TYW1B: variants seen among roughly 807,000 people sequenced by gnomAD.
TYW1B encodes the protein S-adenosyl-L-methionine-dependent tRNA 4-demethylwyosine synthase TYW1B.
A neutral mutation model predicts 86.9 loss-of-function variants in TYW1B; 73 were observed. The observed-to-expected ratio is 0.84, with a 90% CI of 0.70 to 1.02. The LOEUF is 1.02. TYW1B is among the 50% of genes least tolerant of loss of function. The pLI is 0.00. For synonymous variants in TYW1B, 248 were observed against 292.8 expected, an observed-to-expected ratio of 0.85 and a Z score of 1.56; for missense variants, 637 against 827.4, an observed-to-expected ratio of 0.77 and a Z score of 2.82.
At chr7:72,669,973 A>AC (rs1813556986) in intron 11 of TYW1B, among the ~76,000 whole-genome samples, 3 of 122,154 alleles carry the variant, frequency 2.5e-5, no homozygotes, top group African/African-American at 8.0e-5. Context: ...ATAAATAAAT[A>AC]AATAAAGATT....
chr7:72,625,020 G>T (rs1339375718), intron 12 of TYW1B, among the ~76,000 whole-genome samples: 8 of 150,216 alleles, frequency 5.3e-5, no homozygotes, highest in Non-Finnish European at 1.0e-4. Flanking sequence ...GATTGTGCCA[G>T]TGCGCTCCAG....
intron 11 of TYW1B, among the ~76,000 whole-genome samples, chr7:72,637,031 C>G (rs1812684532): frequency 6.6e-6 from 1 of 152,042 alleles, no homozygotes; most frequent in Non-Finnish European, 1.5e-5. Flanking sequence ...ACAAAATTAG[C>G]TGGGCGTGAT....
At chr7:72,645,272 T>G (rs1348333792) in intron 11 of TYW1B, among the ~76,000 whole-genome samples, 2 of 152,186 alleles carry the variant, frequency 1.3e-5, no homozygotes, top group Non-Finnish European at 2.9e-5. Context: ...TACTCCTATC[T>G]AGAATACATT....
intron 10 of TYW1B, among the ~76,000 whole-genome samples, chr7:72,708,086 A>C (rs1814655348): frequency 6.6e-6 from 1 of 152,072 alleles, no homozygotes; most frequent in African/African-American, 2.4e-5. Context: ...TCTTTTCTTC[A>C]CAAATTACCC....
rs1234105673 is a variant in TYW1B at position 72,774,645 on chromosome 7, C to T, written c.964+2771G>A. Among the ~76,000 whole-genome samples the T allele has an allele frequency of 3.3e-5, 5 of 152,188 alleles. 1 individual carries two copies. Among genetic ancestry groups the T allele is most frequent in the East Asian group, 3.9e-4 (2 of 5,176 alleles). On this transcript the variant is annotated intron_variant, in intron 7 of 13. Transcript: ENST00000620995. ...GGTGAATTACTTGAGGCAGGAGAAT[C>T]GCTTGAACCTGGGAGGCAGAGGTTG...
chr7:72,751,974 C>G (rs149231084), intron 7 of TYW1B, among the ~76,000 whole-genome samples: 11 of 152,348 alleles, frequency 7.2e-5, no homozygotes, highest in African/African-American at 1.9e-4. Flanking sequence ...AGGAGAATGT[C>G]AGGCCAGCTG....
At chr7:72,779,709 C>T (rs1463769813) in intron 6 of TYW1B, among the ~76,000 whole-genome samples, 2 of 13,572 alleles carry the variant, frequency 1.5e-4, no homozygotes, top group Non-Finnish European at 5.1e-4. Flanking sequence ...AGAGACTCTG[C>T]CTCAAAAAAA....
At chr7:72,770,987 A>C (rs1787857729) in intron 7 of TYW1B, among the ~76,000 whole-genome samples, 1 of 121,540 alleles carries the variant, frequency 8.2e-6, no homozygotes. Flanking sequence ...TTTGAGATGG[A>C]GTCTCACTCT....
chr7:72,686,873 T>C (rs2129570091), intron 11 of TYW1B, among the ~76,000 whole-genome samples: 1 of 152,096 alleles, frequency 6.6e-6, no homozygotes, highest in Non-Finnish European at 1.5e-5. Flanking sequence ...TGCTCTAAAA[T>C]ATAAAGTCCA....
At chr7:72,806,015 A>C (rs1788487474) in intron 5 of TYW1B, among the ~76,000 whole-genome samples, 1 of 152,096 alleles carries the variant, frequency 6.6e-6, no homozygotes, top group Non-Finnish European at 1.5e-5. Context: ...TGTGAGGGAA[A>C]AAGCGGAATC....
intron 12 of TYW1B, among the ~76,000 whole-genome samples, chr7:72,618,261 GGCTGGAGTGCA>G (rs748587571): frequency 8.4e-5 from 10 of 118,534 alleles, no homozygotes; most frequent in Non-Finnish European, 1.5e-4. Flanking sequence ...TTGTTGCCCA[GGCTGGAGTGCA>G]GTGGCCTGAT....
chr7:72,805,482 C>T (rs1788477604), intron 5 of TYW1B, among the ~76,000 whole-genome samples: 1 of 151,626 alleles, frequency 6.6e-6, no homozygotes, highest in African/African-American at 2.4e-5. Flanking sequence ...CATGGTGGCA[C>T]ATGCCTATAA....
chr7:72,709,810 G>A (rs1451113871), intron 10 of TYW1B, among the ~76,000 whole-genome samples: 2 of 151,990 alleles, frequency 1.3e-5, no homozygotes, highest in East Asian at 1.9e-4. Context: ...CTTCCTATTA[G>A]CCCAATCCTG....
At chr7:72,618,227 ATTT>A (rs869158136) in intron 12 of TYW1B, among the ~76,000 whole-genome samples, 4 of 103,926 alleles carry the variant, frequency 3.8e-5, no homozygotes, top group Non-Finnish European at 5.4e-5. Context: ...ATGACACTGA[ATTT>A]TTTTTTTTTT....
intron 12 of TYW1B, among the ~76,000 whole-genome samples, chr7:72,628,407 G>C (rs1254393642): frequency 6.6e-6 from 1 of 152,182 alleles, no homozygotes; most frequent in Non-Finnish European, 1.5e-5. Context: ...AAAATAATCT[G>C]GGCTAAGAGC....
chr7:72,818,345 G>A (rs1554479805), intron 2 of TYW1B, among the ~76,000 whole-genome samples: 4 of 152,062 alleles, frequency 2.6e-5, no homozygotes, highest in African/African-American at 9.6e-5. Context: ...ACTTTGGGAG[G>A]CTGAGGCGGG....
intron 8 of TYW1B, among the ~76,000 whole-genome samples, chr7:72,732,256 C>T (rs1411148533): frequency 1.3e-5 from 2 of 152,122 alleles, no homozygotes; most frequent in Admixed American, 1.3e-4. Flanking sequence ...AAAGAAACAC[C>T]AGATTTAAAC....
intron 11 of TYW1B, among the ~76,000 whole-genome samples, chr7:72,631,747 T>C (rs1812497698): frequency 6.6e-6 from 1 of 151,872 alleles, no homozygotes; most frequent in Non-Finnish European, 1.5e-5. Context: ...AAAATATATA[T>C]ATATATAAAC....
At chr7:72,703,018 A>AT (rs1814519800) in intron 10 of TYW1B, among the ~76,000 whole-genome samples, 15 of 14,446 alleles carry the variant, frequency 1.0e-3, no homozygotes, top group African/African-American at 3.3e-3. Context: ...ATATATATAT[A>AT]TATATATATT....
Sources: gnomAD v4.1 joint callset for allele counts (sites outside exome capture counted in the v4.1 genomes callset) on GRCh38, gnomAD v4.1.1 for gene constraint, MANE v1.5 for transcripts, NCBI Gene and HGNC (gene_info 2026-07-23, HGNC 2026-07-21) for gene names.